Variants in ZNF460 observed in about 807,000 individuals in gnomAD.
The protein encoded by ZNF460 is zinc finger protein 272.
A neutral mutation model predicts 8.4 loss-of-function variants in ZNF460; 1 was observed. That is an observed-to-expected ratio of 0.12 (90% confidence interval 0.04 to 0.56). The LOEUF (loss-of-function observed/expected upper bound fraction) is 0.56, where lower values mean the gene tolerates loss of function less well. ZNF460 is among the 20% of genes least tolerant of loss of function. ZNF460 has a pLI of 0.91. For synonymous variants in ZNF460, 262 were observed against 259.9 expected (o/e 1.01, Z -0.08); for missense variants, 477 against 714.8 (o/e 0.67, Z 3.79).
chr19:57,289,497 C>G (rs2080124712), intron 2 of ZNF460, among the ~76,000 whole-genome samples: 1 of 152,198 alleles, frequency 6.6e-6, no homozygotes, highest in African/African-American at 2.4e-5. Flanking sequence ...TGGGAAGCCT[C>G]CTTGACCTCT....
chr19:57,288,788 G>A (rs1211138905), intron 2 of ZNF460, among the ~76,000 whole-genome samples: 1 of 151,974 alleles, frequency 6.6e-6, no homozygotes, highest in Non-Finnish European at 1.5e-5. Flanking sequence ...TTTTTACTCT[G>A]ATCTTCACTT....
rs1225717282 is a variant in ZNF460, at chr19:57,291,654, G to T, written c.1113G>T (p.Lys371Asn). The T allele has an allele frequency of 6.2e-7, 1 of 1,613,896 alleles. No homozygotes were observed. The highest frequency in any genetic ancestry group is 1.7e-5 in the Admixed American group (1 of 59,994). ...EKPFVCSQCG[K>N]AFTHYSTYVL... ...CCTTTGTGTGCAGTCAATGTGGAAA[G>T]GCCTTCACTCACTATTCCACCTATG... Residue 371 changes from lysine (K) to asparagine (N), a missense_variant, in exon 3 of 3, where the codon AAG (lysine) becomes AAT (asparagine). Physicochemically the swap from Lys to Asn is moderately conservative, Grantham distance 94. Around this residue, in one of 5 missense-constraint regions of ZNF460, gnomAD observed 193 missense variants for 391.7 expected, o/e 0.49. Coordinates refer to ENST00000360338, the MANE Select transcript of ZNF460 (RefSeq NM_006635.4). The surrounding 1 kb of genome is among the most constrained non-coding windows in gnomAD (Gnocchi z 8.4).
chr19:57,288,473 G>A (rs143115536), intron 2 of ZNF460, among the ~76,000 whole-genome samples: 1 of 152,308 alleles, frequency 6.6e-6, no homozygotes, highest in Admixed American at 6.5e-5. Flanking sequence ...GGGATTACAG[G>A]CATGAGCCAC....
chr19:57,289,209 A>G (rs1001894980), intron 2 of ZNF460, among the ~76,000 whole-genome samples: 6 of 151,722 alleles, frequency 4.0e-5, no homozygotes, highest in Non-Finnish European at 7.4e-5. Context: ...TTGACAGTGG[A>G]TTCTATATGT....
chr19:57,286,608 C>A (rs908655729), intron 2 of ZNF460, among the ~76,000 whole-genome samples: 1 of 152,032 alleles, frequency 6.6e-6, no homozygotes, highest in Non-Finnish European at 1.5e-5. Context: ...CATAATAAGA[C>A]TCCATCTTTT....
At chr19:57,286,424 C>T (rs1024902904) in intron 2 of ZNF460, among the ~76,000 whole-genome samples, 7 of 152,118 alleles carry the variant, frequency 4.6e-5, no homozygotes, top group Admixed American at 3.3e-4. Flanking sequence ...ACTTACTGGC[C>T]ATTCCCTCTC....
chr19:57,281,097 C>T (rs2087835535), intron 1 of ZNF460, among the ~76,000 whole-genome samples: 1 of 152,174 alleles, frequency 6.6e-6, no homozygotes, highest in Non-Finnish European at 1.5e-5. Context: ...TTCTCTGTTG[C>T]CTGCCAGCCC....
intron 1 of ZNF460, 22 bp downstream of exon 1, chr19:57,280,858 C>T (rs201185264): frequency 1.2e-5 from 20 of 1,613,832 alleles, no homozygotes; most frequent in Non-Finnish European, 1.4e-5. Flanking sequence ...AGGTTTCGGC[C>T]TTGCTGCTGC....
At chr19:57,280,406 G>A (rs574637915), upstream of ZNF460, 1 of 243,732 alleles carries the variant, frequency 4.1e-6, no homozygotes, top group Non-Finnish European at 8.3e-6. Context: ...GGACAGGAGA[G>A]TTTTCTGCGG....
chr19:57,283,405 T>C (rs1464364477), intron 1 of ZNF460, among the ~76,000 whole-genome samples: 1 of 151,672 alleles, frequency 6.6e-6, no homozygotes, highest in African/African-American at 2.4e-5. Flanking sequence ...CCTGACCTCA[T>C]GATCTGCTCA....
At chr19:57,288,658 T>C (rs946279649) in intron 2 of ZNF460, among the ~76,000 whole-genome samples, 4 of 152,212 alleles carry the variant, frequency 2.6e-5, no homozygotes, top group Non-Finnish European at 4.4e-5. Context: ...ACTCCAGAGC[T>C]ACACTCTTAA....
At chr19:57,288,190 A>G (rs2087892511) in intron 2 of ZNF460, among the ~76,000 whole-genome samples, 2 of 152,044 alleles carry the variant, frequency 1.3e-5, no homozygotes, top group Non-Finnish European at 2.9e-5. Flanking sequence ...CACTGTGCCA[A>G]GTGCTTTATA....
rs764495537 is a variant in ZNF460, at chr19:57,291,150, A to G, written c.609A>G (p.Lys203=). Reference sequence around the variant, plus strand: ...CCTATGATTGCCCAGAATGTGGGAAAGCCTTCGGCAAGAGCAAACACCTCC... The same window carrying G: ...CCTATGATTGCCCAGAATGTGGGAAGGCCTTCGGCAAGAGCAAACACCTCC... ...VKPYDCPECG[K]AFGKSKHLLQ... The change falls in exon 3 of 3, where the codon AAA becomes AAG. Residue 203 remains lysine (K), a synonymous_variant. Coordinates refer to ENST00000360338, the MANE Select transcript of ZNF460 (RefSeq NM_006635.4). This position sits in a 1 kb window ranked among gnomAD's most constrained non-coding sequence, Gnocchi z 8.4. The G allele has an allele frequency of 6.2e-7, 1 of 1,614,218 alleles. No homozygotes were observed. The highest frequency in any genetic ancestry group is 8.5e-7 in the Non-Finnish European group (1 of 1,180,046).
Position 57,292,704 on chromosome 19 carries a change from T to C in ZNF460, c.*474T>C, listed in dbSNP as rs913644446. The C allele has an allele frequency of 1.2e-5, 2 of 160,652 alleles. No homozygotes were observed. The highest frequency in any genetic ancestry group is 1.2e-4 in the Admixed American group (2 of 17,326). 10.0% of individuals were successfully genotyped at this position (160,652 alleles called of 1,614,324 possible). A position where few individuals can be genotyped will look rare whatever the true frequency, so the allele number is the denominator to read the frequency against. ...CCTTATTTTATTTGGGAGAGGGAAA[T>C]GTTTCAGAAACAAAAGGGCCTCATC... On this transcript the variant is annotated 3_prime_UTR_variant, in exon 3 of 3. Coordinates refer to ENST00000360338, the MANE Select transcript of ZNF460 (RefSeq NM_006635.4).
chr19:57,283,749 G>C (rs911321999), intron 1 of ZNF460, among the ~76,000 whole-genome samples: 1 of 149,616 alleles, frequency 6.7e-6, no homozygotes, highest in African/African-American at 2.5e-5. Flanking sequence ...TAATTCATGT[G>C]CCTCAGCCTC....
chr19:57,291,927 C>T lies in ZNF460; in HGVS notation c.1386C>T (p.Asn462=). The change falls in exon 3 of 3, where the codon AAC becomes AAT. Residue 462 remains asparagine, a synonymous_variant. Coordinates refer to ENST00000360338, the MANE Select transcript of ZNF460 (RefSeq NM_006635.4). The surrounding 1 kb of genome is among the most constrained non-coding windows in gnomAD (Gnocchi z 8.4). ...GGAAAGCCTTTTGTCGGACCACAAACCTGATTCGACACTTTAGCATCCACA... is the reference window on the plus strand; with the variant it reads ...GGAAAGCCTTTTGTCGGACCACAAATCTGATTCGACACTTTAGCATCCACA... ...QCGKAFCRTT[N]LIRHFSIHTG... 1 of 1,614,018 alleles carries T rather than the reference C, an allele frequency of 6.2e-7. No individual in the cohort carries two copies. The highest frequency in any genetic ancestry group is 8.5e-7 in the Non-Finnish European group (1 of 1,180,008).
rs763362415 is a variant in ZNF460 at position 57,290,935 on chromosome 19, G to A, written c.394G>A (p.Ala132Thr). 6.2e-7 allele frequency: 1 copy of A among 1,614,244 alleles called. No homozygotes were observed. Among genetic ancestry groups the A allele is most frequent in the Non-Finnish European group, 8.5e-7 (1 of 1,180,042 alleles). ...CCTTGAACACGAAGGTTTGGCGACAGCTGATGGTATTTGTTCAATGATGAT... is the reference window on the plus strand; with the variant it reads ...CCTTGAACACGAAGGTTTGGCGACAACTGATGGTATTTGTTCAATGATGAT... Reference protein sequence around the residue: ...MSLEHEGLATADGICSMMIQN... With the variant: ...MSLEHEGLATTDGICSMMIQN... The change falls in exon 3 of 3, where the codon GCT (alanine) becomes ACT (threonine). Residue 132 changes from alanine (A) to threonine (T), a missense_variant. Physicochemically the swap from Ala to Thr is moderately conservative, Grantham distance 58. This residue lies in a region of ZNF460 where 169 missense variants were observed against 178.6 expected (regional missense o/e 0.95). Transcript: ENST00000360338.
rs573708979 is a variant in ZNF460, at chr19:57,282,964, C to G, written c.31-1587C>G. ...CGACATTGTGCCACTGCATTCCAGC[C>G]TGGGTGACAGAGTGAGACCATCTAA... On this transcript the variant is annotated intron_variant, in intron 1 of 2. Coordinates refer to ENST00000360338, the MANE Select transcript of ZNF460 (RefSeq NM_006635.4). 4.0e-5 allele frequency among the ~76,000 whole-genome samples: 6 copies of G among 151,200 alleles called. No homozygotes were observed. The South Asian group carries it at 1.3e-3, about 32-fold the overall frequency.
chr19:57,286,361 G>A lies in ZNF460; in HGVS notation c.157+1684G>A, dbSNP rs367871585. ...TAATTGCTATGGGGCACCATGAACTGCACCATGTAAGACAGCTTTATCAAT... is the reference window on the plus strand; with the variant it reads ...TAATTGCTATGGGGCACCATGAACTACACCATGTAAGACAGCTTTATCAAT... On this transcript the variant is annotated intron_variant, in intron 2 of 2. Coordinates refer to ENST00000360338, the MANE Select transcript of ZNF460 (RefSeq NM_006635.4). Among the ~76,000 whole-genome samples, 418 of 152,254 alleles carry A rather than the reference G, an allele frequency of 2.7e-3. 2 individuals are homozygous for A. The highest frequency in any genetic ancestry group is 9.7e-3 in the African/African-American group (401 of 41,546).
Sources: gnomAD v4.1 joint callset for allele counts (sites outside exome capture counted in the v4.1 genomes callset) on GRCh38, gnomAD v4.1.1 for gene constraint, gnomAD v4.1.1 regional missense constraint, Gnocchi (gnomAD v3.1) non-coding constraint, MANE v1.5 for transcripts, NCBI Gene and HGNC (gene_info 2026-07-23, HGNC 2026-07-21) for gene names.